DLG4: variants seen among roughly 807,000 people sequenced by gnomAD.
DLG4 encodes the protein disks large homolog 4.
Under a neutral mutation model 93.8 loss-of-function variants are expected in DLG4, and 7 were observed. That is an observed-to-expected ratio of 0.07 (90% CI 0.04 to 0.14). DLG4 has a LOEUF of 0.14. DLG4 is among the 10% of genes least tolerant of loss of function. DLG4 has a pLI of 1.00. For missense variants in DLG4, 545 were observed against 992.9 expected (o/e 0.55, Z 6.06); for synonymous variants, 341 against 387.6 (o/e 0.88, Z 1.41).
At chr17:7,215,386 G>A (rs2070866815) in intron 1 of DLG4, among the ~76,000 whole-genome samples, 1 of 152,202 alleles carries the variant, frequency 6.6e-6, no homozygotes, top group Non-Finnish European at 1.5e-5. Flanking sequence ...CTGCTGGCAA[G>A]CCCCTCACCC....
upstream of DLG4, chr17:7,217,674 G>C (rs947456289): frequency 3.4e-6 from 5 of 1,481,592 alleles, no homozygotes; most frequent in African/African-American, 4.2e-5. Context: ...AGCCAGAATG[G>C]GGGGGGTGCC....
Position 7,196,393 on chromosome 17 carries a change from TC to T in DLG4, c.1187-60del, listed in dbSNP as rs2069785159. ...CCCCATCCTACTGTCACCCCTGTCC[TC>T]CCCTACTGAAGCCATCAGCTGAGGA... On this transcript the variant is annotated intron_variant, in intron 10 of 19. Transcript: ENST00000399506. The surrounding 1 kb of genome is among the most constrained non-coding windows in gnomAD (Gnocchi z 8.3). 5.0e-6 allele frequency: 8 copies of T among 1,608,464 alleles called. No individual in the cohort carries two copies. In the South Asian group the frequency reaches 8.8e-5, roughly 18 times the overall value.
At chr17:7,204,754 A>C (rs2070368725) in intron 2 of DLG4, among the ~76,000 whole-genome samples, 1 of 145,580 alleles carries the variant, frequency 6.9e-6, no homozygotes, top group African/African-American at 2.6e-5. Context: ...ATATTTTCAT[A>C]ACCCTCCCCT....
chr17:7,217,699 T>A, upstream of DLG4: 1 of 1,531,398 alleles, frequency 6.5e-7, no homozygotes, highest in Non-Finnish European at 8.7e-7. Flanking sequence ...CAGAGTTAAC[T>A]CCTTCTGTGC....
chr17:7,196,894 T>C lies in DLG4; in HGVS notation c.946A>G (p.Ile316Val). The change falls in exon 9 of 20, where the codon ATC becomes GTC. Residue 316 changes from isoleucine (I) to valine (V), a missense_variant. Ile to Val is a conservative substitution (Grantham distance 29, BLOSUM62 3). This residue lies in a region of DLG4 where 428 missense variants were observed against 741.4 expected (regional missense o/e 0.58). Coordinates refer to ENST00000399506, the MANE Select transcript of DLG4 (RefSeq NM_001321075.3). The surrounding 1 kb of genome is among the most constrained non-coding windows in gnomAD (Gnocchi z 8.3). ...CCCAGGCCCGTGGAGCCCCGGTGGA[T>C]CACAATTCGCCTCGGTTCTCGGGGA... is the stretch of plus-strand genomic sequence containing the variant. Reference protein sequence around the residue: ...DIPREPRRIVIHRGSTGLGFN... With the variant: ...DIPREPRRIVVHRGSTGLGFN... 2.5e-6 allele frequency: 4 copies of C among 1,613,748 alleles called. No homozygotes were observed. Among genetic ancestry groups the C allele is most frequent in the Non-Finnish European group, 3.4e-6 (4 of 1,179,820 alleles).
chr17:7,210,002 A>G (rs111437884), intron 1 of DLG4, among the ~76,000 whole-genome samples: 1 of 152,318 alleles, frequency 6.6e-6, no homozygotes, highest in African/African-American at 2.4e-5. Flanking sequence ...AGATCATGCC[A>G]CTGCACTCTA....
chr17:7,207,683 A>G (rs1217226787), intron 2 of DLG4, among the ~76,000 whole-genome samples: 1 of 151,252 alleles, frequency 6.6e-6, no homozygotes, highest in Non-Finnish European at 1.5e-5. Flanking sequence ...CACACACCTC[A>G]ACACACACGC....
chr17:7,218,530 G>C (rs759197027), upstream of DLG4: 4 of 1,555,330 alleles, frequency 2.6e-6, no homozygotes, highest in South Asian at 1.2e-5. Flanking sequence ...CTCAGAAAAC[G>C]GGCTACTCAC....
In DLG4 at chr17:7,193,368, T is replaced by C; in HGVS notation, c.1693+115A>G. The C allele has an allele frequency of 8.9e-7, 1 of 1,128,006 alleles. No homozygotes were observed. Among genetic ancestry groups the C allele is most frequent in the Non-Finnish European group, 1.2e-6 (1 of 809,966 alleles). The allele number at this position is 1,128,006 out of a possible 1,614,324, so 69.9% of individuals were successfully genotyped here. ...GAAGCACCCCTTCTCGGAGAAACCC[T>C]GTATCTCCCTACACACCGATCCCCC... On this transcript the variant is annotated intron_variant, in intron 16 of 19. Coordinates refer to ENST00000399506, the MANE Select transcript of DLG4 (RefSeq NM_001321075.3). The surrounding 1 kb of genome is among the most constrained non-coding windows in gnomAD (Gnocchi z 6.7).
intron 1 of DLG4, chr17:7,213,966 C>CA: frequency 2.4e-6 from 1 of 425,482 alleles, no homozygotes; most frequent in Non-Finnish European, 5.0e-6. Context: ...AGAAAACCTG[C>CA]AGGCCCTGCT....
upstream of DLG4, chr17:7,218,882 C>T (rs1276962981): frequency 3.1e-6 from 5 of 1,612,670 alleles, no homozygotes; most frequent in East Asian, 6.7e-5. Flanking sequence ...CTCCCTAATC[C>T]TCCAGGATTG....
intron 2 of DLG4, among the ~76,000 whole-genome samples, chr17:7,207,734 A>G (rs950312899): frequency 4.7e-5 from 7 of 150,364 alleles, no homozygotes; most frequent in Non-Finnish European, 7.4e-5. Context: ...GCACGCACGC[A>G]CACACACACA....
At chr17:7,210,318 CAG>C (rs2070658404) in intron 1 of DLG4, among the ~76,000 whole-genome samples, 2 of 152,150 alleles carry the variant, frequency 1.3e-5, no homozygotes, top group African/African-American at 4.8e-5. Context: ...ACCCAGAACA[CAG>C]AGACAACTCA....
chr17:7,219,484 G>A, upstream of DLG4: 1 of 1,042,186 alleles, frequency 9.6e-7, no homozygotes. Flanking sequence ...TCACACCCTA[G>A]CTTGGGTGCC....
chr17:7,212,737 TA>T (rs903892202), intron 1 of DLG4, among the ~76,000 whole-genome samples: 13 of 148,868 alleles, frequency 8.7e-5, no homozygotes, highest in South Asian at 2.1e-4. Flanking sequence ...ATCCCATCTC[TA>T]AAAAAAAAAA....
chr17:7,190,522 T>G lies in DLG4; in HGVS notation c.*186A>C. 1.7e-6 allele frequency: 1 copy of G among 586,590 alleles called. No homozygotes were observed. The allele number at this position is 586,590 out of a possible 1,614,324, so 36.3% of individuals were successfully genotyped here. A position where few individuals can be genotyped will look rare whatever the true frequency, so the allele number is the denominator to read the frequency against. On this transcript the variant is annotated 3_prime_UTR_variant, in exon 20 of 20. Coordinates refer to ENST00000399506, the MANE Select transcript of DLG4 (RefSeq NM_001321075.3). ...AGGTTCCTGGCGTTCAGGAGCCCAG[T>G]TCTGGGGTGCGGGGATACATGCAGA...
intron 8 of DLG4, among the ~76,000 whole-genome samples, chr17:7,201,309 C>G (rs80209797): frequency 5.3e-5 from 8 of 152,312 alleles, no homozygotes; most frequent in African/African-American, 1.9e-4. Flanking sequence ...TCTTGTTACA[C>G]TGTCTGAAAT....
At chr17:7,197,634 G>A (rs181254826) in intron 8 of DLG4, among the ~76,000 whole-genome samples, 433 of 152,128 alleles carry the variant, frequency 2.8e-3, no homozygotes, top group African/African-American at 7.5e-3. Context: ...ACAGGCGCGC[G>A]CCACCATGCC....
chr17:7,192,682 G>A (rs947295675), intron 17 of DLG4, among the ~76,000 whole-genome samples: 1 of 151,724 alleles, frequency 6.6e-6, no homozygotes, highest in Non-Finnish European at 1.5e-5. Context: ...GAGAAATGGG[G>A]CAAGGAGAAG....
Sources: allele counts gnomAD v4.1 joint callset (sites outside exome capture counted in the v4.1 genomes callset), GRCh38; gene constraint gnomAD v4.1.1; regional missense constraint gnomAD v4.1.1; non-coding constraint Gnocchi (gnomAD v3.1); transcripts MANE v1.5; gene names NCBI Gene and HGNC (gene_info 2026-07-23, HGNC 2026-07-21).